NOX3: variants seen among roughly 807,000 people sequenced by gnomAD.
NOX3 encodes the protein NADPH oxidase 3, also known as NADPH oxidase catalytic subunit-like 3.
In NOX3, 74 loss-of-function variants were observed where a neutral mutation model predicts 76.7. The observed-to-expected ratio is 0.96, with a 90% confidence interval of 0.80 to 1.17. The LOEUF (loss-of-function observed/expected upper bound fraction) is 1.17. Ranked by LOEUF, NOX3 falls within the 50% of genes most tolerant of loss-of-function variation. The pLI, the probability that NOX3 is intolerant of heterozygous loss-of-function variation, is 0.00. For synonymous variants in NOX3, 263 were observed against 261.1 expected (o/e 1.01, Z -0.07); for missense variants, 695 against 703.3 (o/e 0.99, Z 0.13).
intron 7 of NOX3, among the ~76,000 whole-genome samples, chr6:155,436,166 T>C (rs1036050779): frequency 6.6e-6 from 1 of 152,188 alleles, no homozygotes; most frequent in Admixed American, 6.5e-5. Context: ...ATTGTGCTGT[T>C]ATGAATTCCC....
intron 10 of NOX3, among the ~76,000 whole-genome samples, chr6:155,411,807 C>T (rs954568730): frequency 6.6e-6 from 1 of 152,234 alleles, no homozygotes; most frequent in Non-Finnish European, 1.5e-5. Context: ...TAATCCACTT[C>T]ACTAGCTACG....
At chr6:155,453,257 C>G in intron 4 of NOX3, 147 bp downstream of exon 4, 1 of 644,452 alleles carries the variant, frequency 1.6e-6, no homozygotes, top group Non-Finnish European at 2.8e-6. Context: ...ATGTAAAAAC[C>G]CATTTGTGTA....
At chr6:155,445,879 T>C (rs1398802725) in intron 4 of NOX3, among the ~76,000 whole-genome samples, 1 of 118,118 alleles carries the variant, frequency 8.5e-6, no homozygotes, top group African/African-American at 2.8e-5. Flanking sequence ...CATATATATA[T>C]ATATATGCTA....
At chr6:155,412,653 C>T (rs371468584) in intron 10 of NOX3, among the ~76,000 whole-genome samples, 6 of 152,282 alleles carry the variant, frequency 3.9e-5, no homozygotes, top group Admixed American at 1.3e-4. Context: ...ACACTTATTT[C>T]TTCCTAGGGA....
chr6:155,442,186 T>C (rs578028156), intron 5 of NOX3, among the ~76,000 whole-genome samples: 25 of 151,738 alleles, frequency 1.6e-4, no homozygotes, highest in African/African-American at 5.1e-4. Context: ...ATAGCGTGAA[T>C]CCGGGAGGCG....
rs138528604 is a variant in NOX3, at chr6:155,440,114, C to T, written c.510G>A (p.Arg170=). The change falls in exon 6 of 14, where the codon AGG becomes AGA. Residue 170 remains arginine (R), a synonymous_variant. Coordinates refer to ENST00000159060, the MANE Select transcript of NOX3 (RefSeq NM_015718.3). The stretch of plus-strand genomic sequence containing the variant: ...CCAGACCGGTGACGCCTGCTATTGT[C>T]CTTAGCAATTCAGTGGTTGTGTTCT... ...FPTNTTTELL[R]TIAGVTGLVI... 38 of 1,600,952 alleles carry T rather than the reference C, an allele frequency of 2.4e-5. No individual in the cohort carries two copies. The African/African-American group carries it at 4.0e-4, about 17-fold the overall frequency.
At position 155,407,113 on chromosome 6, in the gene NOX3, G is replaced by T. The variant is rs1268682858; in HGVS notation, c.1580+17C>A. 6.2e-7 allele frequency: 1 copy of T among 1,613,700 alleles called. No individual in the cohort carries two copies. On this transcript the variant is annotated intron_variant, in intron 12 of 13. Coordinates refer to ENST00000159060, the MANE Select transcript of NOX3 (RefSeq NM_015718.3). ...AGAGAAGAGCCTGGCAGGGAGAGGA[G>T]CAAGAGCTTGCCTTACCTGGGGTGA...
At position 155,427,138 on chromosome 6, in the gene NOX3, C is replaced by T. The variant is rs1776769064; in HGVS notation, c.1145+1656G>A. ...CCTTAAAATTTTATTACATTGCTTCCTTTCCATTATAAAAAAGAAAATAGT... is the reference window on the plus strand; with the variant it reads ...CCTTAAAATTTTATTACATTGCTTCTTTTCCATTATAAAAAAGAAAATAGT... On this transcript the variant is annotated intron_variant, in intron 9 of 13. Coordinates refer to ENST00000159060, the MANE Select transcript of NOX3 (RefSeq NM_015718.3). 2.0e-5 allele frequency among the ~76,000 whole-genome samples: 3 copies of T among 151,878 alleles called. No individual in the cohort carries two copies. In the South Asian group the frequency reaches 6.2e-4, roughly 32 times the overall value.
At chr6:155,407,479 T>C (rs1163977964) in intron 11 of NOX3, among the ~76,000 whole-genome samples, 1 of 152,212 alleles carries the variant, frequency 6.6e-6, no homozygotes, top group Non-Finnish European at 1.5e-5. Context: ...TGCCTCTTTA[T>C]ACCTAGTAGA....
At chr6:155,406,295 C>T (rs1776456133) in intron 12 of NOX3, among the ~76,000 whole-genome samples, 1 of 151,928 alleles carries the variant, frequency 6.6e-6, no homozygotes, top group Non-Finnish European at 1.5e-5. Context: ...ATATTATCAT[C>T]CATATTTTTC....
intron 6 of NOX3, among the ~76,000 whole-genome samples, chr6:155,437,963 T>C (rs747776278): frequency 9.9e-5 from 15 of 152,238 alleles, no homozygotes; most frequent in Non-Finnish European, 1.5e-4. Flanking sequence ...AAAATAAGCT[T>C]TTCAACTAGG....
intron 9 of NOX3, among the ~76,000 whole-genome samples, chr6:155,425,379 C>T (rs60582250): frequency 2.0e-5 from 3 of 152,120 alleles, no homozygotes; most frequent in Admixed American, 6.5e-5. Context: ...TTAGACACAG[C>T]GTTTCTAATA....
At chr6:155,453,531 A>C in intron 3 of NOX3, 43 bp from the exon 4 acceptor site, 1 of 1,419,106 alleles carries the variant, frequency 7.0e-7, no homozygotes, top group Non-Finnish European at 1.0e-6. Flanking sequence ...GAAAAATTGC[A>C]GTGAAAACAA....
intron 7 of NOX3, among the ~76,000 whole-genome samples, chr6:155,435,081 C>T (rs1034929449): frequency 5.9e-5 from 9 of 152,090 alleles, no homozygotes; most frequent in East Asian, 1.9e-4. Context: ...TTCAGCCAAG[C>T]GGTAATTGCA....
Position 155,453,461 on chromosome 6 carries a change from A to G in NOX3, c.283T>C (p.Leu95=). Residue 95 remains leucine (L), a synonymous_variant, in exon 4 of 14, where the codon TTA becomes CTA. Coordinates refer to ENST00000159060, the MANE Select transcript of NOX3 (RefSeq NM_015718.3). ...TTGTGAAATCTGAGGTTTTTGTCTA[A>G]TTGCCTCCTCCACGGTCCTCTGCAG... ...ICCRGPWRRQ[L]DKNLRFHKLV... The G allele has an allele frequency of 6.2e-7, 1 of 1,613,898 alleles. No individual in the cohort carries two copies. The highest frequency in any genetic ancestry group is 1.1e-5 in the South Asian group (1 of 91,080).
At chr6:155,445,047 C>G (rs1777043572) in intron 4 of NOX3, among the ~76,000 whole-genome samples, 1 of 152,208 alleles carries the variant, frequency 6.6e-6, no homozygotes, top group Admixed American at 6.5e-5. Context: ...AAGAACCCAG[C>G]ATCGTCTGGC....
At chr6:155,408,534 C>T (rs1400141895) in intron 11 of NOX3, among the ~76,000 whole-genome samples, 1 of 152,064 alleles carries the variant, frequency 6.6e-6, no homozygotes, top group Non-Finnish European at 1.5e-5. Flanking sequence ...TCTCTCCAGT[C>T]TAAAAAAGTA....
At chr6:155,426,988 T>TGCGTGC (rs200933946) in intron 9 of NOX3, among the ~76,000 whole-genome samples, 1 of 91,872 alleles carries the variant, frequency 1.1e-5, no homozygotes, top group African/African-American at 5.1e-5. Flanking sequence ...CTGTGGCGTG[T>TGCGTGC]GTGTGTGTGT....
At chr6:155,396,734 C>G (rs1779143079) in intron 13 of NOX3, 75 bp downstream of exon 13, 4 of 1,260,144 alleles carry the variant, frequency 3.2e-6, no homozygotes, top group African/African-American at 1.5e-5. Flanking sequence ...GTGCATAGAG[C>G]CTAAAATGAT....
Sources: allele counts gnomAD v4.1 joint callset (sites outside exome capture counted in the v4.1 genomes callset), GRCh38; gene constraint gnomAD v4.1.1; transcripts MANE v1.5; gene names NCBI Gene and HGNC (gene_info 2026-07-23, HGNC 2026-07-21).